The following N4BP2L1 variants were observed in gnomAD, a reference collection of about 807,000 sequenced individuals.
N4BP2L1 encodes the protein NEDD4 binding protein 2 like 1, also known as NEDD4-binding protein 2-like 1.
N4BP2L1 carries 12 observed loss-of-function variants against 21.2 expected under a neutral mutation model. That is an observed-to-expected ratio of 0.57 (90% CI 0.36 to 0.92). N4BP2L1 has a LOEUF of 0.92. Among genes scored for constraint, N4BP2L1 ranks in the 40% least tolerant of loss-of-function variants. The pLI, the probability that N4BP2L1 is intolerant of heterozygous loss-of-function variation, is 0.01. For missense variants in N4BP2L1, 259 were observed against 310.6 expected (o/e 0.83, Z 1.25); for synonymous variants, 104 against 112.8 (o/e 0.92, Z 0.49).
chr13:32,424,817 T>C (rs2074674599), intron 1 of N4BP2L1: 1 of 152,194 alleles, frequency 6.6e-6, no homozygotes, highest in Non-Finnish European at 1.5e-5. Flanking sequence ...AAAAATAAAT[T>C]CAAAGAATTT....
rs2073089652 is a variant in N4BP2L1 at position 32,400,736 on chromosome 13, TTG to T, written c.*2204_*2205del. The T allele has an allele frequency of 6.6e-6, 1 of 152,192 alleles. No individual in the cohort carries two copies. Among genetic ancestry groups the T allele is most frequent in the African/African-American group, 2.4e-5 (1 of 41,452 alleles). 9.4% of individuals were successfully genotyped at this position (152,192 alleles called of 1,614,324 possible). On this transcript the variant is annotated 3_prime_UTR_variant, in exon 5 of 5. Transcript: ENST00000380130. The stretch of plus-strand genomic sequence containing the variant: ...CATCATAAGGGATAATGGTAAAAAT[TTG>T]TGTTATTTATTCAGCAATCATTTAA...
chr13:32,417,514 C>T lies in N4BP2L1; in HGVS notation c.180-9742G>A, dbSNP rs577918424. ...ATGCTGAACTGTGAGTCAATTAAAC[C>T]TCTTTCCTTTATAAATTACCCAGTT... is the stretch of plus-strand genomic sequence containing the variant. On this transcript the variant is annotated intron_variant, in intron 1 of 4. Coordinates refer to ENST00000380130, the MANE Select transcript of N4BP2L1 (RefSeq NM_052818.3). Among the ~76,000 whole-genome samples the T allele has an allele frequency of 2.1e-3, 316 of 152,262 alleles. 2 individuals are homozygous for T. Among genetic ancestry groups the T allele is most frequent in the African/African-American group, 7.0e-3 (290 of 41,546 alleles).
chr13:32,413,641 T>C (rs1031628392), intron 1 of N4BP2L1, among the ~76,000 whole-genome samples: 1 of 152,116 alleles, frequency 6.6e-6, no homozygotes, highest in Non-Finnish European at 1.5e-5. Context: ...TGTGAGCCCA[T>C]GTACCGATCC....
At chr13:32,428,673 G>C (rs1275801354), upstream of N4BP2L1, among the ~76,000 whole-genome samples, 1 of 152,198 alleles carries the variant, frequency 6.6e-6, no homozygotes, top group Non-Finnish European at 1.5e-5. Context: ...TTATTAGAAA[G>C]CTTTGTTGCC....
chr13:32,427,048 G>A (rs2074805872), intron 1 of N4BP2L1, among the ~76,000 whole-genome samples: 1 of 152,226 alleles, frequency 6.6e-6, no homozygotes, highest in Non-Finnish European at 1.5e-5. Flanking sequence ...CAAGCGCAAG[G>A]CAGGGAGCGG....
intron 1 of N4BP2L1, among the ~76,000 whole-genome samples, chr13:32,409,125 T>TCGGA (rs2073704667): frequency 6.6e-6 from 1 of 152,152 alleles, no homozygotes; most frequent in East Asian, 1.9e-4. Context: ...AATAAACACA[T>TCGGA]CGGAGCGCGC....
intron 1 of N4BP2L1, among the ~76,000 whole-genome samples, chr13:32,409,838 G>A (rs2073749605): frequency 6.6e-6 from 1 of 152,156 alleles, no homozygotes; most frequent in South Asian, 2.1e-4. Flanking sequence ...GGGCTGCAGG[G>A]AAAAGCAGAA....
chr13:32,417,307 A>G (rs973346519), intron 1 of N4BP2L1, among the ~76,000 whole-genome samples: 8 of 152,130 alleles, frequency 5.3e-5, no homozygotes, highest in African/African-American at 1.7e-4. Context: ...GTGGGAGGTA[A>G]TTGAATCATG....
In N4BP2L1 at chr13:32,428,041, G is replaced by A; in HGVS notation, c.42C>T (p.Leu14=). 6.5e-7 allele frequency: 1 copy of A among 1,540,068 alleles called. No individual in the cohort carries two copies. The highest frequency in any genetic ancestry group is 8.7e-7 in the Non-Finnish European group (1 of 1,146,444). Residue 14 remains leucine (L), a synonymous_variant, in exon 1 of 5, where the codon CTC becomes CTT. Transcript: ENST00000380130. Reference sequence around the variant, plus strand: ...GCCGCTGCTGCTGCTGCTGGGGCTGGAGGCTCAGCCTCCCAAAAGATTGAA... The same window carrying A: ...GCCGCTGCTGCTGCTGCTGGGGCTGAAGGCTCAGCCTCCCAAAAGATTGAA... The part of the protein sequence containing the change: ...SFLQSFGRLS[L]QPQQQQQRQR...
intron 1 of N4BP2L1, among the ~76,000 whole-genome samples, chr13:32,423,757 A>G (rs1215026967): frequency 3.3e-5 from 5 of 152,334 alleles, no homozygotes; most frequent in African/African-American, 1.2e-4. Flanking sequence ...GAAGTAGCTG[A>G]GAGGTTACCC....
chr13:32,421,949 C>G (rs1268721359), intron 1 of N4BP2L1, among the ~76,000 whole-genome samples: 2 of 152,068 alleles, frequency 1.3e-5, no homozygotes, highest in Non-Finnish European at 2.9e-5. Context: ...CATGAAGGAA[C>G]TAAGGCATTG....
Position 32,404,416 on chromosome 13 carries a change from A to C in N4BP2L1, c.397-19T>G. 6.4e-7 allele frequency: 1 copy of C among 1,564,520 alleles called. No individual in the cohort carries two copies. Among genetic ancestry groups the C allele is most frequent in the Non-Finnish European group, 8.8e-7 (1 of 1,137,926 alleles). ...CAAGTGCCTGATTTTTCAAAAGTACATAAAACATTGAAGACATAGTATGTA... is the reference window on the plus strand; with the variant it reads ...CAAGTGCCTGATTTTTCAAAAGTACCTAAAACATTGAAGACATAGTATGTA... On this transcript the variant is annotated intron_variant, in intron 3 of 4. Coordinates refer to ENST00000380130, the MANE Select transcript of N4BP2L1 (RefSeq NM_052818.3).
chr13:32,414,054 G>A (rs1027849117), intron 1 of N4BP2L1, among the ~76,000 whole-genome samples: 1 of 151,830 alleles, frequency 6.6e-6, no homozygotes, highest in Admixed American at 6.6e-5. Context: ...GCTAATTTTT[G>A]TATTTTTAGT....
At chr13:32,407,859 A>C in intron 1 of N4BP2L1, 87 bp from the exon 2 acceptor site, 1 of 1,431,982 alleles carries the variant, frequency 7.0e-7, no homozygotes, top group Non-Finnish European at 9.4e-7. Context: ...TCTAACATTT[A>C]GCAGTTTATA....
At chr13:32,404,287 T>C (rs762325298) in intron 4 of N4BP2L1, 34 bp downstream of exon 4, 1 of 1,594,550 alleles carries the variant, frequency 6.3e-7, no homozygotes, top group Admixed American at 1.7e-5. Context: ...AATAGCAGGA[T>C]ACATAATGAG....
chr13:32,421,662 T>A (rs1045309499), intron 1 of N4BP2L1, among the ~76,000 whole-genome samples: 11 of 152,198 alleles, frequency 7.2e-5, no homozygotes, highest in African/African-American at 2.7e-4. Flanking sequence ...AGTAACCATG[T>A]GCTGGCTTTT....
chr13:32,404,079 A>C (rs1238183426), intron 4 of N4BP2L1: 1 of 1,355,792 alleles, frequency 7.4e-7, no homozygotes, highest in African/African-American at 1.5e-5. Flanking sequence ...CAGAATGTTA[A>C]ATGCATCCTT....
chr13:32,408,160 A>C (rs2073639229), intron 1 of N4BP2L1, among the ~76,000 whole-genome samples: 2 of 152,182 alleles, frequency 1.3e-5, no homozygotes, highest in South Asian at 4.1e-4. Flanking sequence ...CCCCTGCCCA[A>C]GACCTGCCCA....
intron 2 of N4BP2L1, 75 bp downstream of exon 2, chr13:32,407,570 A>G: frequency 6.2e-7 from 1 of 1,605,092 alleles, no homozygotes. Context: ...CTTCCATAAA[A>G]TTTATTCATT....
Sources: allele counts gnomAD v4.1 joint callset (sites outside exome capture counted in the v4.1 genomes callset), GRCh38; gene constraint gnomAD v4.1.1; transcripts MANE v1.5; gene names NCBI Gene and HGNC (gene_info 2026-07-23, HGNC 2026-07-21).